Variants in UTP6 observed in about 807,000 individuals in gnomAD.
UTP6 encodes the protein UTP6 small subunit processome component, also known as U3 small nucleolar RNA-associated protein 6 homolog.
In UTP6, 60 loss-of-function variants were observed where a neutral mutation model predicts 96.5. The ratio of observed to expected loss-of-function variants is 0.62; its 90% CI spans 0.51 to 0.77. The LOEUF is 0.77. Among genes scored for constraint, UTP6 ranks in the 30% least tolerant of loss-of-function variants. UTP6 has a pLI of 0.00. For missense variants in UTP6, 637 were observed against 706.5 expected (o/e 0.90, Z 1.12); for synonymous variants, 215 against 240.1 (o/e 0.90, Z 0.96).
At chr17:31,883,231 A>T (rs1351615202) in intron 10 of UTP6, among the ~76,000 whole-genome samples, 1 of 151,934 alleles carries the variant, frequency 6.6e-6, no homozygotes, top group African/African-American at 2.4e-5. Flanking sequence ...AATTACCAGC[A>T]CTCAACTATA....
Position 31,899,986 on chromosome 17 carries a change from A to C in UTP6, c.93-256T>G, listed in dbSNP as rs574921220. ...TGGTAAAACTGCATCTCTACTAAAA[A>C]TACAAAAATTAGCTGGGCGTGGTGG... On this transcript the variant is annotated intron_variant, in intron 1 of 18. Transcript: ENST00000261708. Among the ~76,000 whole-genome samples the C allele has an allele frequency of 1.2e-4, 18 of 152,086 alleles. No homozygotes were observed. In the East Asian group the frequency reaches 3.3e-3, roughly 28 times the overall value.
intron 4 of UTP6, 75 bp from the exon 5 acceptor site, chr17:31,892,869 T>C (rs1904405424): frequency 6.3e-7 from 1 of 1,581,218 alleles, no homozygotes; most frequent in Non-Finnish European, 8.6e-7. Context: ...TAATTAATTT[T>C]GCTAAAAACA....
At chr17:31,880,122 C>CAA in intron 11 of UTP6, 1 of 166,932 alleles carries the variant, frequency 6.0e-6, no homozygotes, top group Non-Finnish European at 1.3e-5. Context: ...AAACAAAAAA[C>CAA]AAAAAAAACC....
chr17:31,862,802 C>T lies in UTP6; in HGVS notation c.*557G>A, dbSNP rs1909602575. The T allele has an allele frequency of 2.0e-5, 3 of 152,442 alleles. No homozygotes were observed. Among genetic ancestry groups the T allele is most frequent in the Admixed American group, 2.0e-4 (3 of 15,300 alleles). 9.4% of individuals were successfully genotyped at this position (152,442 alleles called of 1,614,324 possible). On this transcript the variant is annotated 3_prime_UTR_variant, in exon 19 of 19. Coordinates refer to ENST00000261708, the MANE Select transcript of UTP6 (RefSeq NM_018428.3). Reference sequence around the variant, plus strand: ...GGCCAGGCTAGTCTCAAACTCCTGACCTCAGGTGATCCGCCTGCCTCAGCC... The same window carrying T: ...GGCCAGGCTAGTCTCAAACTCCTGATCTCAGGTGATCCGCCTGCCTCAGCC...
At position 31,878,491 on chromosome 17, in the gene UTP6, C is replaced by T. The variant is rs551036116; in HGVS notation, c.1048-164G>A. ...GAATAGATGCAATGGGCAGCTGCAC[C>T]GAACAGAGCCCAGTTACACGAGAGC... On this transcript the variant is annotated intron_variant, in intron 12 of 18. Coordinates refer to ENST00000261708, the MANE Select transcript of UTP6 (RefSeq NM_018428.3). Among the ~76,000 whole-genome samples the T allele has an allele frequency of 3.7e-4, 56 of 152,250 alleles. 1 individual carries two copies. The highest frequency in any genetic ancestry group is 1.2e-3 in the African/African-American group (51 of 41,554).
rs377150108 is a variant in UTP6 at position 31,883,440 on chromosome 17, C to T, written c.785+984G>A. On this transcript the variant is annotated intron_variant, in intron 10 of 18. Transcript: ENST00000261708. ...AAGTGATTCTCCTGCCTCAGCCTCC[C>T]GAGTAGCTGGGATTACAGGTATGCG... Among the ~76,000 whole-genome samples, 91 of 151,632 alleles carry T rather than the reference C, an allele frequency of 6.0e-4. 1 individual carries two copies. Among genetic ancestry groups the T allele is most frequent in the Non-Finnish European group, 1.1e-3 (77 of 67,892 alleles).
chr17:31,901,459 A>C, intron 1 of UTP6, 77 bp downstream of exon 1: 9 of 1,374,768 alleles, frequency 6.5e-6, no homozygotes, highest in Non-Finnish European at 6.2e-6. Flanking sequence ...GAGCGTCCCC[A>C]CATCTAGCCC....
chr17:31,862,997 G>A lies in UTP6; in HGVS notation c.*362C>T, dbSNP rs1415953291. ...GTATTTTGGGAAACATTTAGGACCT[G>A]TGGAAGATCGGGCCTCAACATTAAA... On this transcript the variant is annotated 3_prime_UTR_variant, in exon 19 of 19. Coordinates refer to ENST00000261708, the MANE Select transcript of UTP6 (RefSeq NM_018428.3). The A allele has an allele frequency of 1.6e-5, 3 of 184,350 alleles. No homozygotes were observed. The highest frequency in any genetic ancestry group is 3.4e-5 in the Non-Finnish European group (3 of 87,622). The allele number at this position is 184,350 out of a possible 1,614,324, so 11.4% of individuals were successfully genotyped here. A position where few individuals can be genotyped will look rare whatever the true frequency, so the allele number is the denominator to read the frequency against.
chr17:31,889,446 C>A (rs2142316153), intron 6 of UTP6, 43 bp from the exon 7 acceptor site: 12 of 1,340,402 alleles, frequency 9.0e-6, no homozygotes, highest in East Asian at 2.4e-5. Flanking sequence ...ATAAATTAAT[C>A]AAGTCAGACA....
At chr17:31,881,385 G>C (rs1910830286) in intron 10 of UTP6, among the ~76,000 whole-genome samples, 1 of 150,862 alleles carries the variant, frequency 6.6e-6, no homozygotes, top group Non-Finnish European at 1.5e-5. Context: ...TCCTGCCTCA[G>C]CCTTCCAAGT....
rs1208769645 is a variant in UTP6 at position 31,860,997 on chromosome 17, TGG to T, written c.*2360_*2361del. 1 of 152,020 alleles carries T rather than the reference TGG, an allele frequency of 6.6e-6. No individual in the cohort carries two copies. Among genetic ancestry groups the T allele is most frequent in the African/African-American group, 2.4e-5 (1 of 41,388 alleles). 9.4% of individuals were successfully genotyped at this position (152,020 alleles called of 1,614,324 possible). A position where few individuals can be genotyped will look rare whatever the true frequency, so the allele number is the denominator to read the frequency against. ...AATAGTGTTGGCAAAATTAACTGCT[TGG>T]GGAAAAAGAGTTGTTCTCAGCACCA... is the stretch of plus-strand genomic sequence containing the variant. On this transcript the variant is annotated 3_prime_UTR_variant, in exon 19 of 19. Transcript: ENST00000261708.
intron 4 of UTP6, among the ~76,000 whole-genome samples, chr17:31,893,234 G>A (rs1226811176): frequency 1.3e-5 from 2 of 152,036 alleles, no homozygotes; most frequent in Non-Finnish European, 2.9e-5. Context: ...TCCAGCCTGG[G>A]CAACATAGGG....
rs759333649 is a variant in UTP6, at chr17:31,901,606, G to A, written c.22C>T (p.Arg8Cys). 2 of 1,613,878 alleles carry A rather than the reference G, an allele frequency of 1.2e-6. No individual in the cohort carries two copies. The highest frequency in any genetic ancestry group is 1.7e-6 in the Non-Finnish European group (2 of 1,180,020). ...AATTCCGGGAGCCGATCTTCTATGC[G>A]TTCCTGAATTATCTCTGCCATGAGG... MAEIIQE[R>C]IEDRLPELEQ... Residue 8 changes from arginine to cysteine, a missense_variant, in exon 1 of 19, where the codon CGC (arginine) becomes TGC (cysteine). Transcript: ENST00000261708.
intron 4 of UTP6, among the ~76,000 whole-genome samples, chr17:31,893,394 G>A (rs1904444557): frequency 7.1e-6 from 1 of 141,178 alleles, no homozygotes; most frequent in African/African-American, 2.7e-5. Flanking sequence ...GTGTGCCACT[G>A]CACTCTAACC....
intron 17 of UTP6, among the ~76,000 whole-genome samples, 155 bp from the exon 18 acceptor site, chr17:31,865,593 T>C (rs1018999964): frequency 2.0e-5 from 3 of 152,036 alleles, no homozygotes; most frequent in African/African-American, 7.2e-5. Context: ...AGGAAAAAAA[T>C]CAAAGCCACT....
chr17:31,867,336 C>G (rs746755966), intron 17 of UTP6, among the ~76,000 whole-genome samples: 2 of 151,820 alleles, frequency 1.3e-5, no homozygotes, highest in Admixed American at 1.3e-4. Flanking sequence ...GGCAAAACCC[C>G]GTCTCTATTG....
intron 11 of UTP6, among the ~76,000 whole-genome samples, chr17:31,879,270 A>G (rs1007595188): frequency 2.6e-5 from 4 of 152,046 alleles, no homozygotes; most frequent in Non-Finnish European, 5.9e-5. Flanking sequence ...TGCACCTGTA[A>G]TCCCAGCTAC....
intron 10 of UTP6, among the ~76,000 whole-genome samples, chr17:31,883,537 A>T (rs1910967435): frequency 6.6e-6 from 1 of 151,626 alleles, no homozygotes; most frequent in South Asian, 2.1e-4. Flanking sequence ...CTGGTCTCAA[A>T]CTCTCGACCT....
intron 11 of UTP6, among the ~76,000 whole-genome samples, chr17:31,879,807 G>A (rs1286966580): frequency 6.6e-6 from 1 of 151,990 alleles, no homozygotes; most frequent in African/African-American, 2.4e-5. Flanking sequence ...CCAAGACCAA[G>A]TTAGAAAGCC....
Sources: gnomAD v4.1 joint callset for allele counts (sites outside exome capture counted in the v4.1 genomes callset) on GRCh38, gnomAD v4.1.1 for gene constraint, MANE v1.5 for transcripts, NCBI Gene and HGNC (gene_info 2026-07-23, HGNC 2026-07-21) for gene names.